The following RBKS variants were observed in gnomAD, a reference collection of about 807,000 sequenced individuals.
The protein encoded by RBKS is ribokinase.
A neutral mutation model predicts 33.9 loss-of-function variants in RBKS; 33 were observed. That is an observed-to-expected ratio of 0.97 (90% CI 0.74 to 1.30). RBKS has a LOEUF of 1.30. Among genes scored for constraint, RBKS ranks in the 50% most tolerant of loss-of-function variants. The pLI is 0.00. For synonymous variants in RBKS, 125 were observed against 143.0 expected (o/e 0.87, Z 0.90); for missense variants, 361 against 392.6 (o/e 0.92, Z 0.68).
At chr2:27,790,014 GAGAT>G (rs1677491572) in intron 7 of RBKS, among the ~76,000 whole-genome samples, 2 of 145,964 alleles carry the variant, frequency 1.4e-5, no homozygotes, top group African/African-American at 2.6e-5. Context: ...GAGAGAGAGA[GAGAT>G]GTGGTTTCAC....
At chr2:27,801,124 G>A (rs1424862759) in intron 7 of RBKS, among the ~76,000 whole-genome samples, 1 of 152,236 alleles carries the variant, frequency 6.6e-6, no homozygotes, top group Non-Finnish European at 1.5e-5. Context: ...ATGGAGAGGA[G>A]ATGTAGCAGA....
intron 1 of RBKS, among the ~76,000 whole-genome samples, chr2:27,878,045 T>A (rs1436620121): frequency 6.6e-6 from 1 of 152,108 alleles, no homozygotes; most frequent in African/African-American, 2.4e-5. Flanking sequence ...TTAATTATTA[T>A]TATACTTTAA....
chr2:27,823,609 T>A (rs566844040), intron 7 of RBKS, among the ~76,000 whole-genome samples: 1 of 152,288 alleles, frequency 6.6e-6, no homozygotes, highest in African/African-American at 2.4e-5. Context: ...ACCTTCTCTT[T>A]ATCAGATTTA....
At chr2:27,800,923 G>A (rs533810887) in intron 7 of RBKS, among the ~76,000 whole-genome samples, 4 of 152,274 alleles carry the variant, frequency 2.6e-5, no homozygotes, top group African/African-American at 9.6e-5. Flanking sequence ...TGGGGAGGAC[G>A]TGCAGAGGGA....
At chr2:27,803,321 G>T (rs188882442) in intron 7 of RBKS, among the ~76,000 whole-genome samples, 32 of 152,310 alleles carry the variant, frequency 2.1e-4, no homozygotes, top group Non-Finnish European at 3.5e-4. Context: ...AAAGAAATCT[G>T]TAGGGAACAT....
At chr2:27,839,330 G>A (rs1663420133) in intron 5 of RBKS, among the ~76,000 whole-genome samples, 2 of 152,142 alleles carry the variant, frequency 1.3e-5, no homozygotes, top group Admixed American at 1.3e-4. Context: ...TTTATGTACT[G>A]TTCCATTTGC....
intron 7 of RBKS, among the ~76,000 whole-genome samples, chr2:27,782,037 G>T (rs1380616668): frequency 6.6e-6 from 1 of 152,036 alleles, no homozygotes; most frequent in Non-Finnish European, 1.5e-5. Context: ...TACTAGTTTT[G>T]CTTAATGTCC....
chr2:27,818,189 G>A (rs1244596226), intron 7 of RBKS, among the ~76,000 whole-genome samples: 1 of 152,192 alleles, frequency 6.6e-6, no homozygotes, highest in East Asian at 1.9e-4. Flanking sequence ...GGATGTACTA[G>A]TAAGAACTAA....
At chr2:27,844,852 T>A (rs1004831718) in intron 4 of RBKS, among the ~76,000 whole-genome samples, 2 of 152,214 alleles carry the variant, frequency 1.3e-5, no homozygotes, top group African/African-American at 2.4e-5. Context: ...TTTATTTTTA[T>A]TGGACAACAC....
intron 7 of RBKS, among the ~76,000 whole-genome samples, chr2:27,798,390 CTCT>C (rs1677699484): frequency 1.3e-5 from 2 of 152,116 alleles, no homozygotes; most frequent in Admixed American, 6.5e-5. Flanking sequence ...TAACATGGAC[CTCT>C]TCTTATCTTT....
At chr2:27,856,470 T>C (rs926098799) in intron 2 of RBKS, among the ~76,000 whole-genome samples, 3 of 152,224 alleles carry the variant, frequency 2.0e-5, no homozygotes, top group African/African-American at 4.8e-5. Flanking sequence ...TTAGGATTCA[T>C]TTCCCACGTT....
intron 1 of RBKS, among the ~76,000 whole-genome samples, chr2:27,881,598 A>C (rs185134791): frequency 9.2e-5 from 14 of 152,132 alleles, no homozygotes; most frequent in Non-Finnish European, 1.6e-4. Context: ...ACCAAAAAAG[A>C]GCCTGAATAG....
intron 7 of RBKS, among the ~76,000 whole-genome samples, chr2:27,817,802 T>A (rs1445433139): frequency 6.6e-6 from 1 of 152,122 alleles, no homozygotes; most frequent in African/African-American, 2.4e-5. Context: ...GCAGGTGAGA[T>A]AGAGCATGTG....
In RBKS at chr2:27,832,762, T is replaced by A; in HGVS notation, c.530A>T (p.Asn177Ile). ...ARRSGVKTLF[N>I]PAPAIADLDP... ...CAGGTCAGCAATGGCAGGGGCTGGA[T>A]TGAACAAGGTTTTCACTACAAAGGA... Residue 177 changes from asparagine to isoleucine, a missense_variant, in exon 6 of 8, where the codon AAT (asparagine) becomes ATT (isoleucine). Asn to Ile is a moderately radical substitution (Grantham distance 149). Coordinates refer to ENST00000302188, the MANE Select transcript of RBKS (RefSeq NM_022128.3). 6.2e-7 allele frequency: 1 copy of A among 1,610,926 alleles called. No individual in the cohort carries two copies. Among genetic ancestry groups the A allele is most frequent in the South Asian group, 1.1e-5 (1 of 91,034 alleles).
At chr2:27,864,164 C>G (rs766287287) in intron 1 of RBKS, among the ~76,000 whole-genome samples, 1 of 151,708 alleles carries the variant, frequency 6.6e-6, no homozygotes, top group African/African-American at 2.4e-5. Flanking sequence ...TTAGCTAGGA[C>G]TACGGGGGCA....
chr2:27,792,271 G>A (rs1423250519), intron 7 of RBKS, among the ~76,000 whole-genome samples: 37 of 152,184 alleles, frequency 2.4e-4, no homozygotes, highest in Admixed American at 2.4e-3. Flanking sequence ...AGACCTGTAT[G>A]TGAATCTTGG....
chr2:27,810,071 G>C lies in RBKS; in HGVS notation c.795+17496C>G. ...CTGTGAAAATGAAGGAAGGAACTGA[G>C]CAATTGTTCTGTGAATCTAACTGCA... On this transcript the variant is annotated intron_variant, in intron 7 of 7. Coordinates refer to ENST00000302188, the MANE Select transcript of RBKS (RefSeq NM_022128.3). This position sits in a 1 kb window ranked among gnomAD's most constrained non-coding sequence, Gnocchi z 4.4. 1.5e-6 allele frequency: 2 copies of C among 1,303,702 alleles called. No homozygotes were observed. Among genetic ancestry groups the C allele is most frequent in the Non-Finnish European group, 2.0e-6 (2 of 988,820 alleles). 80.8% of individuals were successfully genotyped at this position (1,303,702 alleles called of 1,614,324 possible). A position where few individuals can be genotyped will look rare whatever the true frequency, so the allele number is the denominator to read the frequency against.
At chr2:27,836,012 G>A (rs1036470033) in intron 5 of RBKS, among the ~76,000 whole-genome samples, 1 of 151,884 alleles carries the variant, frequency 6.6e-6, no homozygotes, top group East Asian at 2.0e-4. Flanking sequence ...TCAAGAGATC[G>A]AGGCCATCCT....
chr2:27,883,794 C>G (rs1033154260), intron 1 of RBKS, among the ~76,000 whole-genome samples: 2 of 151,558 alleles, frequency 1.3e-5, no homozygotes, highest in African/African-American at 4.9e-5. Context: ...CTCCTGGGTT[C>G]AAACAATCCT....
Sources: gnomAD v4.1 joint callset for allele counts (sites outside exome capture counted in the v4.1 genomes callset) on GRCh38, gnomAD v4.1.1 for gene constraint, Gnocchi (gnomAD v3.1) non-coding constraint, MANE v1.5 for transcripts, NCBI Gene and HGNC (gene_info 2026-07-23, HGNC 2026-07-21) for gene names.